Variants in SOS1 observed in about 807,000 individuals in gnomAD.
The protein encoded by SOS1 is SOS Ras/Rac guanine nucleotide exchange factor 1, also known as son of sevenless homolog 1.
SOS1 carries 25 observed loss-of-function variants against 157.6 expected under a neutral mutation model. That is an observed-to-expected ratio of 0.16 (90% confidence interval 0.12 to 0.22). The LOEUF is 0.22. SOS1 is among the 10% of genes least tolerant of loss of function. The probability of loss-of-function intolerance (pLI) is 1.00; values close to 1 mark genes in which losing one functional copy is unlikely to be tolerated. For missense variants in SOS1, 1,237 were observed against 1,599.1 expected, an observed-to-expected ratio of 0.77 and a Z score of 3.86; for synonymous variants, 528 against 534.0, an observed-to-expected ratio of 0.99 and a Z score of 0.16.
intron 1 of SOS1, among the ~76,000 whole-genome samples, chr2:39,070,065 G>C (rs752941942): frequency 5.3e-5 from 8 of 151,996 alleles, no homozygotes; most frequent in Admixed American, 1.3e-4. Flanking sequence ...TCTGAGTTCT[G>C]TGCTCTCCAT....
At chr2:39,106,494 G>C (rs1673189226) in intron 1 of SOS1, among the ~76,000 whole-genome samples, 1 of 149,478 alleles carries the variant, frequency 6.7e-6, no homozygotes, top group African/African-American at 2.5e-5. Flanking sequence ...GGGAGGCTGA[G>C]GCAGGAGAAT....
At chr2:39,046,285 C>T (rs997411565) in intron 6 of SOS1, among the ~76,000 whole-genome samples, 2 of 151,908 alleles carry the variant, frequency 1.3e-5, no homozygotes, top group African/African-American at 2.4e-5. Context: ...AAAATAAATA[C>T]GGTTATCTAT....
chr2:39,084,834 A>G (rs1672318778), intron 1 of SOS1, among the ~76,000 whole-genome samples: 1 of 152,138 alleles, frequency 6.6e-6, no homozygotes, highest in East Asian at 1.9e-4. Flanking sequence ...AAATATTACT[A>G]TGTGATAACA....
At chr2:39,088,547 T>C (rs947892644) in intron 1 of SOS1, among the ~76,000 whole-genome samples, 15 of 152,180 alleles carry the variant, frequency 9.9e-5, no homozygotes, top group African/African-American at 3.6e-4. Flanking sequence ...AATTGAACTA[T>C]TCTAGGTATC....
intron 20 of SOS1, among the ~76,000 whole-genome samples, chr2:38,994,326 G>A (rs1220470999): frequency 1.3e-5 from 2 of 152,186 alleles, no homozygotes; most frequent in East Asian, 1.9e-4. Flanking sequence ...TGCTGGTCTA[G>A]AAATAAGAGA....
intron 1 of SOS1, among the ~76,000 whole-genome samples, chr2:39,087,850 T>C (rs1036377036): frequency 2.0e-5 from 3 of 151,982 alleles, no homozygotes. Context: ...AGCTAATTTT[T>C]AAAATTTTTT....
intron 2 of SOS1, among the ~76,000 whole-genome samples, chr2:39,066,822 A>G (rs1671603482): frequency 6.6e-6 from 1 of 152,202 alleles, no homozygotes; most frequent in African/African-American, 2.4e-5. Context: ...ACATTAACAG[A>G]AATCTTTTTG....
rs151060454 is a variant in SOS1, at chr2:39,043,832, A to G, written c.864+7312T>C. 5.0e-3 allele frequency among the ~76,000 whole-genome samples: 759 copies of G among 152,270 alleles called. 7 individuals carry two copies. Among genetic ancestry groups the G allele is most frequent in the African/African-American group, 0.018 (731 of 41,560 alleles). ...ATTACCTCCACAGGCCCCACCTCCA[A>G]TCAATATATACAGATTAAACTTCCA... On this transcript the variant is annotated intron_variant, in intron 6 of 22. Transcript: ENST00000402219.
rs551744612 is a variant in SOS1, at chr2:39,085,231, G to T, written c.88-17478C>A. ...CAGCTAATTTTTCTTTTTTTTTGTA[G>T]AAATGGGTGTCTCACTATGTTGCTG... On this transcript the variant is annotated intron_variant, in intron 1 of 22. Coordinates refer to ENST00000402219, the MANE Select transcript of SOS1 (RefSeq NM_005633.4). Among the ~76,000 whole-genome samples, 315 of 152,110 alleles carry T rather than the reference G, an allele frequency of 2.1e-3. 1 individual carries two copies. Among genetic ancestry groups the T allele is most frequent in the African/African-American group, 7.2e-3 (299 of 41,504 alleles).
At chr2:39,071,217 T>G (rs1671781158) in intron 1 of SOS1, among the ~76,000 whole-genome samples, 1 of 152,146 alleles carries the variant, frequency 6.6e-6, no homozygotes, top group Non-Finnish European at 1.5e-5. Flanking sequence ...CCCACAATCC[T>G]GTTGCTAACT....
At chr2:39,067,237 C>T (rs1461260822) in intron 2 of SOS1, among the ~76,000 whole-genome samples, 1 of 152,072 alleles carries the variant, frequency 6.6e-6, no homozygotes, top group Non-Finnish European at 1.5e-5. Context: ...TGGTCTTGAA[C>T]TCCTGGGCTC....
chr2:38,981,964 A>G lies in SOS1; in HGVS notation c.*3860T>C, dbSNP rs1485235849. The G allele has an allele frequency of 6.6e-6, 1 of 152,120 alleles. No individual in the cohort carries two copies. Among genetic ancestry groups the G allele is most frequent in the Non-Finnish European group, 1.5e-5 (1 of 68,018 alleles). 9.4% of individuals were successfully genotyped at this position (152,120 alleles called of 1,614,324 possible). The stretch of plus-strand genomic sequence containing the variant: ...GACTTGATCTGAAGAAAAAAATTAG[A>G]GATGTTCTTAATTAAAGGCACATTT... On this transcript the variant is annotated 3_prime_UTR_variant, in exon 23 of 23. Coordinates refer to ENST00000402219, the MANE Select transcript of SOS1 (RefSeq NM_005633.4).
chr2:39,109,044 C>G (rs925356354), intron 1 of SOS1, among the ~76,000 whole-genome samples: 1 of 152,016 alleles, frequency 6.6e-6, no homozygotes, highest in Middle Eastern at 3.4e-3. Flanking sequence ...ACCAAAAATA[C>G]AAAAATTAGC....
intron 17 of SOS1, among the ~76,000 whole-genome samples, chr2:38,998,115 T>C (rs867613511): frequency 7.2e-5 from 11 of 152,280 alleles, no homozygotes; most frequent in African/African-American, 2.4e-4. Flanking sequence ...ATTTCCTGTT[T>C]CCCCATCACT....
At chr2:39,049,690 T>C (rs1670928655) in intron 6 of SOS1, among the ~76,000 whole-genome samples, 1 of 152,234 alleles carries the variant, frequency 6.6e-6, no homozygotes, top group Non-Finnish European at 1.5e-5. Flanking sequence ...TTTCTCCCAT[T>C]ATGATCACTC....
chr2:39,108,869 G>A (rs1341068629), intron 1 of SOS1, among the ~76,000 whole-genome samples: 1 of 151,578 alleles, frequency 6.6e-6, no homozygotes, highest in Non-Finnish European at 1.5e-5. Context: ...CCCCAGCCTC[G>A]GTGACAGAGT....
intron 1 of SOS1, among the ~76,000 whole-genome samples, chr2:39,095,543 T>C (rs550131990): frequency 6.6e-5 from 10 of 152,202 alleles, no homozygotes; most frequent in Non-Finnish European, 1.2e-4. Context: ...ATTCGAAAGT[T>C]TGTGTTTGAG....
chr2:38,986,333 T>C lies in SOS1; in HGVS notation c.3511-18A>G. 1 of 1,600,046 alleles carries C rather than the reference T, an allele frequency of 6.2e-7. No homozygotes were observed. The highest frequency in any genetic ancestry group is 8.5e-7 in the Non-Finnish European group (1 of 1,170,348). On this transcript the variant is annotated intron_variant, in intron 22 of 22. Transcript: ENST00000402219. ...GACATAATCTAACAAATGAAAAGAA[T>C]AAAATACACATTTATTAATAAATTT... is the stretch of plus-strand genomic sequence containing the variant.
chr2:39,040,218 C>G (rs951588402), intron 6 of SOS1, among the ~76,000 whole-genome samples: 3 of 151,866 alleles, frequency 2.0e-5, no homozygotes, highest in Non-Finnish European at 4.4e-5. Flanking sequence ...GGCGTTTCAC[C>G]GTGTTAGCCA....
Sources: allele counts gnomAD v4.1 joint callset (sites outside exome capture counted in the v4.1 genomes callset), GRCh38; gene constraint gnomAD v4.1.1; transcripts MANE v1.5; gene names NCBI Gene and HGNC (gene_info 2026-07-23, HGNC 2026-07-21).